EVC2: variants seen among roughly 807,000 people sequenced by gnomAD.
EVC2 encodes the protein limbin.
EVC2 carries 148 observed loss-of-function variants against 149.3 expected under a neutral mutation model. That is an observed-to-expected ratio of 0.99 (90% confidence interval 0.87 to 1.14). The LOEUF (loss-of-function observed/expected upper bound fraction) is 1.14, where lower values mean the gene tolerates loss of function less well. Among genes scored for constraint, EVC2 ranks in the 50% most tolerant of loss-of-function variants. The pLI, the probability that EVC2 is intolerant of heterozygous loss-of-function variation, is 0.00. For missense variants in EVC2, 1,854 were observed against 1,627.3 expected, an observed-to-expected ratio of 1.14 and a Z score of -2.40; for synonymous variants, 776 against 649.9, an observed-to-expected ratio of 1.19 and a Z score of -2.95.
rs57990371 is a variant in EVC2, at chr4:5,657,883, C to T, written c.1145+5224G>A. Among the ~76,000 whole-genome samples the T allele has an allele frequency of 0.035, 5,267 of 152,158 alleles. 314 individuals carry two copies. Among genetic ancestry groups the T allele is most frequent in the African/African-American group, 0.12 (5,006 of 41,466 alleles). Reference sequence around the variant, plus strand: ...GACTCTTCAATCTCTGTGCCCTCTACACCTCCCACCCTGGCCTGGTCCTCT... The same window carrying T: ...GACTCTTCAATCTCTGTGCCCTCTATACCTCCCACCCTGGCCTGGTCCTCT... On this transcript the variant is annotated intron_variant, in intron 9 of 21. Transcript: ENST00000344408. This position sits in a 1 kb window ranked among gnomAD's most constrained non-coding sequence, Gnocchi z 4.7.
At chr4:5,601,657 A>C (rs1389580831) in intron 16 of EVC2, among the ~76,000 whole-genome samples, 1 of 152,250 alleles carries the variant, frequency 6.6e-6, no homozygotes, top group African/African-American at 2.4e-5. Context: ...TCAAACTATC[A>C]GTTGAGTATG....
chr4:5,708,652 G>A (rs1480211443), upstream of EVC2: 2 of 579,950 alleles, frequency 3.4e-6, no homozygotes, highest in Non-Finnish European at 5.5e-6. Flanking sequence ...ACCCGCATCT[G>A]GGGCTTGGCG....
chr4:5,582,495 C>A (rs1369166435), intron 17 of EVC2, among the ~76,000 whole-genome samples: 5 of 152,194 alleles, frequency 3.3e-5, no homozygotes, highest in Non-Finnish European at 5.9e-5. Context: ...TTACCCAGTG[C>A]CTATAACTCC....
At chr4:5,639,622 G>A (rs1182684707) in intron 10 of EVC2, among the ~76,000 whole-genome samples, 3 of 152,188 alleles carry the variant, frequency 2.0e-5, no homozygotes, top group African/African-American at 7.2e-5. Flanking sequence ...GAGCAGAGAT[G>A]GAATGTACTA....
At chr4:5,531,170 A>T in the EVC2 span, among the ~76,000 whole-genome samples, 9 of 152,208 alleles carry the variant, frequency 5.9e-5, no homozygotes, top group Admixed American at 4.6e-4. Context: ...CTGGCTCTGG[A>T]GGCTGCACCA....
chr4:5,692,634 G>A (rs908505165), intron 3 of EVC2, among the ~76,000 whole-genome samples: 10 of 151,690 alleles, frequency 6.6e-5, no homozygotes, highest in African/African-American at 2.4e-5. Flanking sequence ...TTGGGAGGCC[G>A]AGGCGGGTGG....
downstream of EVC2, chr4:5,542,713 T>C (rs976729826): frequency 6.0e-6 from 1 of 165,406 alleles, no homozygotes; most frequent in African/African-American, 2.4e-5. Flanking sequence ...CTTGCAGAGC[T>C]GTTGTGAGGC....
Position 5,568,426 on chromosome 4 carries a change from C to T in EVC2, c.3557+18G>A, listed in dbSNP as rs970154657. The T allele has an allele frequency of 6.5e-7, 1 of 1,541,926 alleles. No homozygotes were observed. The highest frequency in any genetic ancestry group is 1.4e-5 in the African/African-American group (1 of 73,542). ...GACAGGGACGTGCCCCGGGAGGCAG[C>T]CCCTCCACGGCACTCACCTCCGCCT... is the stretch of plus-strand genomic sequence containing the variant. On this transcript the variant is annotated intron_variant, in intron 20 of 21. Coordinates refer to ENST00000344408, the MANE Select transcript of EVC2 (RefSeq NM_147127.5).
chr4:5,578,341 G>C (rs1453872739), intron 17 of EVC2, among the ~76,000 whole-genome samples: 1 of 152,166 alleles, frequency 6.6e-6, no homozygotes, highest in Non-Finnish European at 1.5e-5. Flanking sequence ...TTTACTGAAT[G>C]CCAATATGGT....
Position 5,576,389 on chromosome 4 carries a change from C to G in EVC2, c.3123G>C (p.Gln1041His). 6.2e-7 allele frequency: 1 copy of G among 1,613,842 alleles called. No individual in the cohort carries two copies. The highest frequency in any genetic ancestry group is 8.5e-7 in the Non-Finnish European group (1 of 1,179,892). ...ACTGCTGCCAGCTCGCCAGGGCCTG[C>G]TGCTGCTGGGCTGCCTCCTGCTGCA... ...QLVQQEAAQQ[Q>H]QALASWQQWV... The change falls in exon 18 of 22, where the codon CAG (glutamine) becomes CAC (histidine). Residue 1041 changes from glutamine to histidine, a missense_variant. Coordinates refer to ENST00000344408, the MANE Select transcript of EVC2 (RefSeq NM_147127.5). This position sits in a 1 kb window ranked among gnomAD's most constrained non-coding sequence, Gnocchi z 4.5.
chr4:5,671,921 G>A (rs1432111789), intron 7 of EVC2, among the ~76,000 whole-genome samples: 1 of 152,172 alleles, frequency 6.6e-6, no homozygotes, highest in East Asian at 1.9e-4. Context: ...TACATCAAGT[G>A]GGCTGCCAGG....
At position 5,708,437 on chromosome 4, in the gene EVC2, C is replaced by T; in HGVS notation, c.77G>A (p.Gly26Glu). Residue 26 changes from glycine to glutamate, a missense_variant, in exon 1 of 22, where the codon GGG (glycine) becomes GAG (glutamate). By Grantham distance (98) the Gly-to-Glu change is moderately conservative (BLOSUM62 -2). Transcript: ENST00000344408. ...GCTGGCGCCGAGACAGCCTCGGCCCCCCAGCGCCAGGGCCACTGCCAGGAG... is the reference window on the plus strand; with the variant it reads ...GCTGGCGCCGAGACAGCCTCGGCCCTCCAGCGCCAGGGCCACTGCCAGGAG... ...GGLLAVALAL[G>E]GRGCLGASSR... The T allele has an allele frequency of 6.6e-7, 1 of 1,505,908 alleles. No individual in the cohort carries two copies. Among genetic ancestry groups the T allele is most frequent in the Non-Finnish European group, 8.8e-7 (1 of 1,134,880 alleles). The allele number at this position is 1,505,908 out of a possible 1,614,324, so 93.3% of individuals were successfully genotyped here.
At chr4:5,655,989 A>G (rs1718496841) in intron 9 of EVC2, among the ~76,000 whole-genome samples, 1 of 152,208 alleles carries the variant, frequency 6.6e-6, no homozygotes, top group Admixed American at 6.5e-5. Context: ...AACCATGTCT[A>G]TCCCTATTCC....
intron 9 of EVC2, among the ~76,000 whole-genome samples, chr4:5,647,471 T>C (rs1227315145): frequency 6.6e-6 from 1 of 152,248 alleles, no homozygotes; most frequent in Admixed American, 6.5e-5. Flanking sequence ...CTCATTCATT[T>C]GCTTCTTTCA....
chr4:5,548,430 G>A (rs543633638), intron 21 of EVC2, among the ~76,000 whole-genome samples: 2 of 150,504 alleles, frequency 1.3e-5, no homozygotes, highest in South Asian at 4.2e-4. Context: ...TGGCATTGAT[G>A]ACATTGTGGA....
intron 19 of EVC2, among the ~76,000 whole-genome samples, chr4:5,572,384 G>T (rs986204394): frequency 2.6e-5 from 4 of 152,192 alleles, no homozygotes; most frequent in African/African-American, 9.7e-5. Context: ...AGGTGATGAG[G>T]TCATAAGGGC....
At chr4:5,656,470 T>C (rs1718527349) in intron 9 of EVC2, among the ~76,000 whole-genome samples, 1 of 152,188 alleles carries the variant, frequency 6.6e-6, no homozygotes, top group African/African-American at 2.4e-5. Flanking sequence ...AAAAGGGCCT[T>C]TGCAGATATA....
chr4:5,575,323 T>G (rs1389075960), intron 18 of EVC2, among the ~76,000 whole-genome samples: 1 of 152,180 alleles, frequency 6.6e-6, no homozygotes, highest in African/African-American at 2.4e-5. Context: ...AAATCAAAAG[T>G]TTGAACACAA....
In EVC2 at chr4:5,708,413, C is replaced by G. The variant is rs888701582; in HGVS notation, c.101G>C (p.Ser34Thr). The G allele has an allele frequency of 4.7e-6, 7 of 1,502,390 alleles. No individual in the cohort carries two copies. The African/African-American group carries it at 7.2e-5, about 16-fold the overall frequency. The allele number at this position is 1,502,390 out of a possible 1,614,324, so 93.1% of individuals were successfully genotyped here. A position where few individuals can be genotyped will look rare whatever the true frequency, so the allele number is the denominator to read the frequency against. ...GAGGGGGCGCCAGCGGGGACGTGAG[C>G]TGGCGCCGAGACAGCCTCGGCCCCC... ...ALGGRGCLGA[S>T]SRPRWRPLGA... Residue 34 changes from serine to threonine, a missense_variant, in exon 1 of 22, where the codon AGC becomes ACC. Ser to Thr is a moderately conservative substitution (Grantham distance 58). Coordinates refer to ENST00000344408, the MANE Select transcript of EVC2 (RefSeq NM_147127.5).
Sources: gnomAD v4.1 joint callset for allele counts (sites outside exome capture counted in the v4.1 genomes callset) on GRCh38, gnomAD v4.1.1 for gene constraint, Gnocchi (gnomAD v3.1) non-coding constraint, MANE v1.5 for transcripts, NCBI Gene and HGNC (gene_info 2026-07-23, HGNC 2026-07-21) for gene names.